The following ME3 variants were observed in gnomAD, a reference collection of about 807,000 sequenced individuals.
The protein encoded by ME3 is malic enzyme 3, also known as NADP-dependent malic enzyme, mitochondrial.
In ME3, 48 loss-of-function variants were observed where a neutral mutation model predicts 68.9. The ratio of observed to expected loss-of-function variants is 0.70; its 90% CI spans 0.55 to 0.89. The LOEUF (loss-of-function observed/expected upper bound fraction) is 0.89, where lower values mean the gene tolerates loss of function less well. Among genes scored for constraint, ME3 ranks in the 40% least tolerant of loss-of-function variants. The probability of loss-of-function intolerance (pLI) is 0.00; values close to 1 mark genes in which losing one functional copy is unlikely to be tolerated. For synonymous variants in ME3, 320 were observed against 318.8 expected, an observed-to-expected ratio of 1.00 and a Z score of -0.04; for missense variants, 675 against 797.4, an observed-to-expected ratio of 0.85 and a Z score of 1.85.
chr11:86,656,707 C>A (rs1945902541), intron 2 of ME3, among the ~76,000 whole-genome samples: 1 of 151,914 alleles, frequency 6.6e-6, no homozygotes, highest in South Asian at 2.1e-4. Context: ...ATGTAACAAA[C>A]CTGCACGTTG....
At chr11:86,607,795 G>C (rs540160855) in intron 2 of ME3, among the ~76,000 whole-genome samples, 9 of 151,766 alleles carry the variant, frequency 5.9e-5, no homozygotes, top group Non-Finnish European at 1.2e-4. Context: ...TACGTCCTTG[G>C]TCGGACTCTG....
At chr11:86,487,432 GAGCAGC>G in exon 7 of ME3, 1 of 1,613,728 alleles carries the variant, frequency 6.2e-7, no homozygotes, top group Non-Finnish European at 8.5e-7. Context: ...GAGGGTCTCT[GAGCAGC>G]TCCTGGAACA....
In ME3 at chr11:86,471,141, C is replaced by CTTTTTTTTTTTTTTTTTTTTTTTT. The variant is rs1163128094; in HGVS notation, c.810-5965_810-5942dup. ...CCTACTTAAACTGTAAGGCCCAGAG[C>CTTTTTTTTTTTTTTTTTTTTTTTT]TTTTTTTTTTTTTTTTTTTTTTTTT... On this transcript the variant is annotated intron_variant, in intron 7 of 14. Transcript: ENST00000543262. Among the ~76,000 whole-genome samples the CTTTTTTTTTTTTTTTTTTTTTTTT allele has an allele frequency of 8.0e-5, 6 of 75,036 alleles. 1 individual carries two copies. Among genetic ancestry groups the CTTTTTTTTTTTTTTTTTTTTTTTT allele is most frequent in the African/African-American group, 2.5e-4 (4 of 15,930 alleles). 49.2% of individuals were successfully genotyped at this position (75,036 alleles called of 152,430 possible). A position where few individuals can be genotyped will look rare whatever the true frequency, so the allele number is the denominator to read the frequency against.
intron 4 of ME3, among the ~76,000 whole-genome samples, chr11:86,523,370 A>T (rs1200685880): frequency 6.6e-6 from 1 of 152,208 alleles, no homozygotes; most frequent in Non-Finnish European, 1.5e-5. Context: ...GTAGTAAGGG[A>T]AAGCAGGTAA....
intron 8 of ME3, among the ~76,000 whole-genome samples, chr11:86,456,048 C>T (rs923831679): frequency 2.0e-5 from 3 of 152,156 alleles, no homozygotes; most frequent in Admixed American, 6.5e-5. Flanking sequence ...TCTTACTCTC[C>T]GCCCATAAAA....
At chr11:86,531,413 A>T (rs1955220930) in intron 4 of ME3, among the ~76,000 whole-genome samples, 1 of 152,212 alleles carries the variant, frequency 6.6e-6, no homozygotes, top group African/African-American at 2.4e-5. Context: ...ACTGTAAACT[A>T]GTTCAACCAT....
At chr11:86,660,654 C>A (rs1405711112) in intron 2 of ME3, among the ~76,000 whole-genome samples, 1 of 152,158 alleles carries the variant, frequency 6.6e-6, no homozygotes, top group African/African-American at 2.4e-5. Context: ...GAGGGTGTCA[C>A]ACAAAATTGA....
chr11:86,607,797 C>G (rs142455381), intron 2 of ME3, among the ~76,000 whole-genome samples: 1 of 151,818 alleles, frequency 6.6e-6, no homozygotes, highest in Non-Finnish European at 1.5e-5. Flanking sequence ...CGTCCTTGGT[C>G]GGACTCTGGA....
At chr11:86,465,522 G>C (rs1205465874) in intron 7 of ME3, among the ~76,000 whole-genome samples, 1 of 152,150 alleles carries the variant, frequency 6.6e-6, no homozygotes. Flanking sequence ...GAGGGCCAAG[G>C]AGGGGCCTGC....
intron 7 of ME3, among the ~76,000 whole-genome samples, chr11:86,470,320 G>A (rs1005721134): frequency 6.6e-6 from 1 of 151,972 alleles, no homozygotes; most frequent in East Asian, 1.9e-4. Context: ...AAACCCACAT[G>A]CAAGACTTCC....
At chr11:86,612,166 G>C (rs1282531766) in intron 2 of ME3, among the ~76,000 whole-genome samples, 1 of 152,086 alleles carries the variant, frequency 6.6e-6, no homozygotes, top group Non-Finnish European at 1.5e-5. Flanking sequence ...TGTGGTGTTT[G>C]GTTTTCTGTT....
chr11:86,460,946 C>T (rs1347428318), intron 8 of ME3, among the ~76,000 whole-genome samples: 3 of 152,176 alleles, frequency 2.0e-5, no homozygotes, highest in Non-Finnish European at 2.9e-5. Context: ...CTGGACCCAT[C>T]CCTAACCAGC....
Position 86,459,427 on chromosome 11 carries a change from T to A in ME3, c.919+5664A>T, listed in dbSNP as rs139446820. Among the ~76,000 whole-genome samples, 434 of 152,310 alleles carry A rather than the reference T, an allele frequency of 2.8e-3. 3 individuals are homozygous for A. Among genetic ancestry groups the A allele is most frequent in the African/African-American group, 0.01 (422 of 41,570 alleles). On this transcript the variant is annotated intron_variant, in intron 8 of 14. Coordinates refer to ENST00000543262, the Ensembl canonical transcript of ME3. ...CGAGCCTATTAGGCATCAGAGATTA[T>A]AGTAATAGGTACCATGAACTGAGTA...
chr11:86,506,785 A>G (rs1953109601), intron 5 of ME3, among the ~76,000 whole-genome samples: 1 of 152,160 alleles, frequency 6.6e-6, no homozygotes, highest in South Asian at 2.1e-4. Context: ...ATGTGAGTGA[A>G]AGAGATAACT....
At chr11:86,551,359 C>T (rs1482464125) in intron 4 of ME3, among the ~76,000 whole-genome samples, 1 of 152,092 alleles carries the variant, frequency 6.6e-6, no homozygotes, top group Non-Finnish European at 1.5e-5. Context: ...GACTCCAGCC[C>T]AAGTGCTCTG....
chr11:86,487,048 A>G (rs1951734711), intron 7 of ME3, among the ~76,000 whole-genome samples: 2 of 152,148 alleles, frequency 1.3e-5, no homozygotes, highest in Admixed American at 1.3e-4. Flanking sequence ...AGCTCAGGCC[A>G]AGGGGGTTTT....
chr11:86,642,434 C>A (rs1944726945), intron 2 of ME3, among the ~76,000 whole-genome samples: 1 of 152,166 alleles, frequency 6.6e-6, no homozygotes, highest in South Asian at 2.1e-4. Context: ...TGGTGCTTTC[C>A]ATCTATTTTG....
At chr11:86,622,646 C>T (rs1056074808) in intron 2 of ME3, 1 of 151,996 alleles carries the variant, frequency 6.6e-6, no homozygotes, top group Non-Finnish European at 1.5e-5. Flanking sequence ...CTTTGTACCA[C>T]CTCTTCTGTC....
chr11:86,463,108 A>T (rs1950305981), intron 8 of ME3, among the ~76,000 whole-genome samples: 1 of 152,164 alleles, frequency 6.6e-6, no homozygotes, highest in Non-Finnish European at 1.5e-5. Context: ...GAGGCACATT[A>T]TCGCAGCAGT....
Sources: gnomAD v4.1 joint callset for allele counts (sites outside exome capture counted in the v4.1 genomes callset) on GRCh38, gnomAD v4.1.1 for gene constraint, MANE v1.5 for transcripts, NCBI Gene and HGNC (gene_info 2026-07-23, HGNC 2026-07-21) for gene names.